The following KCNN3 variants were observed in gnomAD, a reference collection of about 807,000 sequenced individuals.
KCNN3 encodes the protein small conductance calcium-activated potassium channel protein 3.
KCNN3 carries 16 observed loss-of-function variants against 62.9 expected under a neutral mutation model. The observed-to-expected ratio is 0.25, with a 90% CI of 0.17 to 0.39. KCNN3 has a LOEUF of 0.39. KCNN3 is among the 10% of genes least tolerant of loss of function. KCNN3 has a pLI of 1.00. For synonymous variants in KCNN3, 370 were observed against 389.2 expected, an observed-to-expected ratio of 0.95 and a Z score of 0.58; for missense variants, 599 against 949.4, an observed-to-expected ratio of 0.63 and a Z score of 4.85.
intron 2 of KCNN3, among the ~76,000 whole-genome samples, chr1:154,791,172 C>G (rs757948788): frequency 7.1e-6 from 1 of 140,682 alleles, no homozygotes; most frequent in African/African-American, 2.7e-5. Context: ...GAGGTTGCAG[C>G]GAGTCAAGAT....
chr1:154,740,914 C>A (rs772269892), intron 3 of KCNN3, among the ~76,000 whole-genome samples: 2 of 152,090 alleles, frequency 1.3e-5, no homozygotes, highest in African/African-American at 4.8e-5. Flanking sequence ...TTGCAAATAT[C>A]TTCTTCCAGT....
intron 2 of KCNN3, among the ~76,000 whole-genome samples, chr1:154,780,581 T>TATATA (rs147401769): frequency 0.05 from 7,375 of 147,192 alleles, 382 homozygotes; most frequent in East Asian, 0.19. Flanking sequence ...ATTATTTATA[T>TATATA]ATATGTTTTA....
chr1:154,715,614 C>CTTCT (rs1320035076), intron 5 of KCNN3, among the ~76,000 whole-genome samples: 3 of 145,568 alleles, frequency 2.1e-5, no homozygotes, highest in Non-Finnish European at 4.5e-5. Context: ...TCCTTCCTTC[C>CTTCT]TTCTTTCTTT....
chr1:154,848,873 G>A (rs1330555832), intron 1 of KCNN3, among the ~76,000 whole-genome samples: 1 of 152,096 alleles, frequency 6.6e-6, no homozygotes, highest in Non-Finnish European at 1.5e-5. Context: ...TCAGAGTTAC[G>A]GCAGCCCGAA....
intron 1 of KCNN3, among the ~76,000 whole-genome samples, chr1:154,845,684 G>A (rs1038503174): frequency 1.3e-5 from 2 of 151,944 alleles, no homozygotes; most frequent in Non-Finnish European, 2.9e-5. Context: ...GACCACCCCC[G>A]CAAACACACA....
chr1:154,711,552 C>G (rs1700075851), intron 7 of KCNN3, among the ~76,000 whole-genome samples: 1 of 149,366 alleles, frequency 6.7e-6, no homozygotes, highest in South Asian at 2.1e-4. Flanking sequence ...CCCCAGGGAA[C>G]ATCAGTCACA....
intron 1 of KCNN3, among the ~76,000 whole-genome samples, chr1:154,842,379 T>C (rs764350914): frequency 2.0e-4 from 31 of 152,108 alleles, no homozygotes; most frequent in Non-Finnish European, 4.3e-4. Flanking sequence ...AGTGCACCTA[T>C]TGAACATACA....
intron 1 of KCNN3, chr1:154,868,079 TCACA>T (rs1558014411): frequency 1.0e-6 from 1 of 984,842 alleles, no homozygotes. Flanking sequence ...GGGCGCGCAC[TCACA>T]CACACACTCA....
rs535507048 is a variant in KCNN3, at chr1:154,710,871, A to G, written c.1899+2593T>C. ...GGTGCTGGAGAGGATGTGGAGAAAT[A>G]GGAACACTTTTACACTGTTGGTGGG... On this transcript the variant is annotated intron_variant, in intron 7 of 7. Transcript: ENST00000271915. Among the ~76,000 whole-genome samples the G allele has an allele frequency of 6.7e-4, 102 of 152,332 alleles. 1 individual carries two copies. Among genetic ancestry groups the G allele is most frequent in the African/African-American group, 2.4e-3 (99 of 41,574 alleles).
intron 3 of KCNN3, among the ~76,000 whole-genome samples, chr1:154,739,734 T>C (rs1185083879): frequency 1.3e-5 from 2 of 152,260 alleles, no homozygotes; most frequent in East Asian, 3.8e-4. Flanking sequence ...CTGTCTTGGG[T>C]GATCTCTCAC....
intron 7 of KCNN3, among the ~76,000 whole-genome samples, chr1:154,711,043 C>G (rs948186192): frequency 1.3e-5 from 2 of 152,052 alleles, no homozygotes; most frequent in Non-Finnish European, 2.9e-5. Flanking sequence ...CACATGCACA[C>G]GTATGTTTAT....
intron 1 of KCNN3, among the ~76,000 whole-genome samples, chr1:154,834,339 G>A (rs1431492648): frequency 6.6e-6 from 1 of 152,230 alleles, no homozygotes; most frequent in Admixed American, 6.5e-5. Flanking sequence ...AGGGCTTCAA[G>A]GAAACTGCAA....
intron 1 of KCNN3, among the ~76,000 whole-genome samples, chr1:154,840,476 C>T (rs1477623568): frequency 6.6e-6 from 1 of 152,142 alleles, no homozygotes; most frequent in Non-Finnish European, 1.5e-5. Context: ...CGAAGGCTTC[C>T]GTGTCCCAAA....
chr1:154,865,617 C>T (rs186248233), intron 1 of KCNN3, among the ~76,000 whole-genome samples: 7 of 152,314 alleles, frequency 4.6e-5, no homozygotes, highest in Admixed American at 3.9e-4. Flanking sequence ...GGTTGCTCAA[C>T]CCCCTCACAT....
At chr1:154,721,883 A>G (rs1439586122) in intron 5 of KCNN3, among the ~76,000 whole-genome samples, 2 of 151,470 alleles carry the variant, frequency 1.3e-5, no homozygotes, top group African/African-American at 2.4e-5. Flanking sequence ...GATTAGCAAT[A>G]AGTTATAATT....
chr1:154,707,969 G>T lies in KCNN3; in HGVS notation c.*7C>A, dbSNP rs1439922450. On this transcript the variant is annotated 3_prime_UTR_variant, in exon 8 of 8. Coordinates refer to ENST00000271915, the MANE Select transcript of KCNN3 (RefSeq NM_002249.6). Reference sequence around the variant, plus strand: ...ATGGGTAATGCTTCTGGAGTGGGGAGATTTATTTAGCAACTGCTTGAACTT... The same window carrying T: ...ATGGGTAATGCTTCTGGAGTGGGGATATTTATTTAGCAACTGCTTGAACTT... 1 of 1,612,994 alleles carries T rather than the reference G, an allele frequency of 6.2e-7. No homozygotes were observed. Among genetic ancestry groups the T allele is most frequent in the Non-Finnish European group, 8.5e-7 (1 of 1,179,440 alleles).
At chr1:154,863,257 C>A (rs1476891878) in intron 1 of KCNN3, among the ~76,000 whole-genome samples, 1 of 152,120 alleles carries the variant, frequency 6.6e-6, no homozygotes, top group African/African-American at 2.4e-5. Flanking sequence ...AAAACCCATT[C>A]GCCTCCTCCG....
chr1:154,788,260 A>G (rs1301693431), intron 2 of KCNN3, among the ~76,000 whole-genome samples: 1 of 152,196 alleles, frequency 6.6e-6, no homozygotes, highest in Non-Finnish European at 1.5e-5. Context: ...TGTAGCAGGC[A>G]CAGGTATACA....
intron 3 of KCNN3, among the ~76,000 whole-genome samples, chr1:154,749,362 C>T (rs145896840): frequency 1.3e-5 from 2 of 152,336 alleles, no homozygotes; most frequent in East Asian, 3.9e-4. Flanking sequence ...AGGCAGCTCC[C>T]CAGGCAAGCA....
Sources: gnomAD v4.1 joint callset for allele counts (sites outside exome capture counted in the v4.1 genomes callset) on GRCh38, gnomAD v4.1.1 for gene constraint, MANE v1.5 for transcripts, NCBI Gene and HGNC (gene_info 2026-07-23, HGNC 2026-07-21) for gene names.